GALNT17: variants seen among roughly 807,000 people sequenced by gnomAD.
GALNT17 encodes the protein UDP-GalNAc:polypeptide N-acetylgalactosaminyltransferase-like 3.
In GALNT17, 29 loss-of-function variants were observed where a neutral mutation model predicts 63.7. The observed-to-expected ratio is 0.46, with a 90% CI of 0.34 to 0.62. GALNT17 has a LOEUF of 0.62. Ranked by LOEUF, GALNT17 falls within the 20% of genes least tolerant of loss-of-function variation. The pLI, the probability that GALNT17 is intolerant of heterozygous loss-of-function variation, is 0.01. For synonymous variants in GALNT17, 305 were observed against 318.3 expected, an observed-to-expected ratio of 0.96 and a Z score of 0.45; for missense variants, 603 against 799.6, an observed-to-expected ratio of 0.75 and a Z score of 2.97.
intron 1 of GALNT17, among the ~76,000 whole-genome samples, chr7:71,265,378 G>A (rs1021807635): frequency 6.6e-6 from 1 of 151,596 alleles, no homozygotes; most frequent in South Asian, 2.1e-4. Context: ...GCCCGCCTTG[G>A]CCTCCCAAGG....
chr7:71,294,367 C>T lies in GALNT17; in HGVS notation c.239-41183C>T, dbSNP rs77115452. Among the ~76,000 whole-genome samples, 413 of 149,970 alleles carry T rather than the reference C, an allele frequency of 2.8e-3. 6 individuals carry two copies. The highest frequency in any genetic ancestry group is 9.7e-3 in the African/African-American group (395 of 40,824). On this transcript the variant is annotated intron_variant, in intron 1 of 10. Transcript: ENST00000333538. ...TGCTCTCTCTTCTTTCTGGAATGCT[C>T]ACAATATGCATATTGTTTTGCTTGA...
At chr7:71,680,832 C>T (rs1187100617) in intron 9 of GALNT17, among the ~76,000 whole-genome samples, 1 of 147,244 alleles carries the variant, frequency 6.8e-6, no homozygotes, top group Non-Finnish European at 1.5e-5. Context: ...TTCCCCCCTT[C>T]CTTTCTTCCT....
intron 1 of GALNT17, among the ~76,000 whole-genome samples, chr7:71,201,044 A>C (rs1352140355): frequency 1.3e-5 from 2 of 151,832 alleles, no homozygotes; most frequent in Non-Finnish European, 2.9e-5. Context: ...AATTGGGCTT[A>C]ATGGTTTTTC....
intron 9 of GALNT17, among the ~76,000 whole-genome samples, chr7:71,691,732 G>T (rs1339051609): frequency 6.6e-6 from 1 of 152,124 alleles, no homozygotes; most frequent in East Asian, 1.9e-4. Context: ...TTGGAATAAG[G>T]AACTCAGATT....
intron 1 of GALNT17, among the ~76,000 whole-genome samples, chr7:71,270,531 A>G (rs905819552): frequency 1.1e-5 from 1 of 94,702 alleles, no homozygotes; most frequent in African/African-American, 4.2e-5. Context: ...TACCCTCCCC[A>G]CCCCACCAAA....
At chr7:71,594,739 G>C (rs781256274) in intron 6 of GALNT17, among the ~76,000 whole-genome samples, 1 of 152,302 alleles carries the variant, frequency 6.6e-6, no homozygotes, top group Non-Finnish European at 1.5e-5. Context: ...CGATATTCCA[G>C]TTCTAGCTAT....
chr7:71,412,792 T>TA (rs1349685512), intron 3 of GALNT17, among the ~76,000 whole-genome samples: 3 of 152,120 alleles, frequency 2.0e-5, no homozygotes, highest in Non-Finnish European at 2.9e-5. Flanking sequence ...CCTGTAATCC[T>TA]AGCACTTTAA....
At position 71,383,537 on chromosome 7, in the gene GALNT17, C is replaced by G. The variant is rs551757528; in HGVS notation, c.423-4698C>G. 2.0e-5 allele frequency among the ~76,000 whole-genome samples: 3 copies of G among 152,230 alleles called. No homozygotes were observed. In the East Asian group the frequency reaches 5.8e-4, roughly 29 times the overall value. On this transcript the variant is annotated intron_variant, in intron 2 of 10. Coordinates refer to ENST00000333538, the MANE Select transcript of GALNT17 (RefSeq NM_022479.3). Reference sequence around the variant, plus strand: ...CACTGTAACCCTGAAGTCCTGGCCTCAAGCAATCCTCCCACCTCAGGCTCC... The same window carrying G: ...CACTGTAACCCTGAAGTCCTGGCCTGAAGCAATCCTCCCACCTCAGGCTCC...
chr7:71,250,651 A>G (rs1790181253), intron 1 of GALNT17, among the ~76,000 whole-genome samples: 2 of 152,220 alleles, frequency 1.3e-5, no homozygotes, highest in South Asian at 4.1e-4. Context: ...TTCACGTAAG[A>G]ACTCATTTAG....
intron 5 of GALNT17, among the ~76,000 whole-genome samples, chr7:71,457,661 T>C (rs968634605): frequency 3.3e-5 from 5 of 152,298 alleles, no homozygotes; most frequent in Middle Eastern, 3.4e-3. Flanking sequence ...TAAACTGCAG[T>C]GGTGCTGGTG....
intron 2 of GALNT17, among the ~76,000 whole-genome samples, chr7:71,365,251 G>GT (rs1274214561): frequency 6.6e-6 from 1 of 151,660 alleles, no homozygotes; most frequent in African/African-American, 2.4e-5. Context: ...AATAGTTTTT[G>GT]TTTTTTTGAA....
intron 5 of GALNT17, among the ~76,000 whole-genome samples, chr7:71,560,534 G>GA (rs1437529978): frequency 6.6e-6 from 1 of 152,234 alleles, no homozygotes; most frequent in Non-Finnish European, 1.5e-5. Flanking sequence ...GAATGATGGA[G>GA]AGGGGAGAGG....
intron 1 of GALNT17, among the ~76,000 whole-genome samples, chr7:71,167,572 T>C (rs1788465565): frequency 6.6e-6 from 1 of 152,230 alleles, no homozygotes; most frequent in Non-Finnish European, 1.5e-5. Flanking sequence ...ATAGTGCCCT[T>C]CAGAGAGCTC....
At chr7:71,228,922 G>T (rs1387473421) in intron 1 of GALNT17, among the ~76,000 whole-genome samples, 2 of 151,794 alleles carry the variant, frequency 1.3e-5, no homozygotes, top group African/African-American at 2.4e-5. Flanking sequence ...TCCCTCCTCG[G>T]CAAAGTACTG....
intron 9 of GALNT17, among the ~76,000 whole-genome samples, chr7:71,701,057 C>G (rs1791624121): frequency 6.6e-6 from 1 of 152,236 alleles, no homozygotes; most frequent in East Asian, 1.9e-4. Context: ...AAACAACAAA[C>G]TGGGTAGGTA....
In GALNT17 at chr7:71,349,663, T is replaced by G. The variant is rs535026515; in HGVS notation, c.422+13930T>G. ...TTGAATAAATAAATACGAAATTGCT[T>G]TAAGTAGATGTACTACAAGTGATTA... On this transcript the variant is annotated intron_variant, in intron 2 of 10. Coordinates refer to ENST00000333538, the MANE Select transcript of GALNT17 (RefSeq NM_022479.3). Among the ~76,000 whole-genome samples, 94 of 152,320 alleles carry G rather than the reference T, an allele frequency of 6.2e-4. 1 individual carries two copies. The highest frequency in any genetic ancestry group is 2.1e-3 in the African/African-American group (88 of 41,584).
chr7:71,573,160 C>G (rs1243836482), intron 6 of GALNT17, among the ~76,000 whole-genome samples: 1 of 151,746 alleles, frequency 6.6e-6, no homozygotes, highest in Non-Finnish European at 1.5e-5. Flanking sequence ...AGGCACGTGC[C>G]ACTGCACCTG....
chr7:71,319,098 C>CTATCTTTCT, intron 1 of GALNT17, among the ~76,000 whole-genome samples: 1 of 149,518 alleles, frequency 6.7e-6, no homozygotes, highest in Admixed American at 6.7e-5. Flanking sequence ...TTTTGTTTAT[C>CTATCTTTCT]TTTCTTTCTT....
At chr7:71,265,804 C>A (rs1790483170) in intron 1 of GALNT17, among the ~76,000 whole-genome samples, 2 of 152,126 alleles carry the variant, frequency 1.3e-5, no homozygotes. Context: ...ACTGGGAGTT[C>A]AGTATTAATC....
Sources: allele counts gnomAD v4.1 joint callset (sites outside exome capture counted in the v4.1 genomes callset), GRCh38; gene constraint gnomAD v4.1.1; transcripts MANE v1.5; gene names NCBI Gene and HGNC (gene_info 2026-07-23, HGNC 2026-07-21).